Variants in TTBK1 observed in about 807,000 individuals in gnomAD.
TTBK1 encodes tau-tubulin kinase 1.
Under a neutral mutation model 108.5 loss-of-function variants are expected in TTBK1, and 34 were observed. That is an observed-to-expected ratio of 0.31 (90% confidence interval 0.24 to 0.42). The LOEUF (loss-of-function observed/expected upper bound fraction) is 0.42, where lower values mean the gene tolerates loss of function less well. Among genes scored for constraint, TTBK1 ranks in the 10% least tolerant of loss-of-function variants. The probability of loss-of-function intolerance (pLI) is 1.00; values close to 1 mark genes in which losing one functional copy is unlikely to be tolerated. For missense variants in TTBK1, 1,539 were observed against 1,826.0 expected, an observed-to-expected ratio of 0.84 and a Z score of 2.86; for synonymous variants, 809 against 795.1, an observed-to-expected ratio of 1.02 and a Z score of -0.29.
intron 6 of TTBK1, 39 bp from the exon 7 acceptor site, chr6:43,255,010 G>A (rs371810142): frequency 1.4e-5 from 23 of 1,600,726 alleles, no homozygotes; most frequent in African/African-American, 8.1e-5. Flanking sequence ...TGAGGTGAGG[G>A]CATGGTGGGT....
At position 43,253,853 on chromosome 6, in the gene TTBK1, C is replaced by T. The variant is rs1777315463; in HGVS notation, c.471+145C>T. 9.1e-7 allele frequency: 1 copy of T among 1,095,298 alleles called. No homozygotes were observed. Among genetic ancestry groups the T allele is most frequent in the Admixed American group, 2.9e-5 (1 of 34,778 alleles). 67.8% of individuals were successfully genotyped at this position (1,095,298 alleles called of 1,614,324 possible). ...CTTCTCCCCAAGCCCCTCCTGCTCTCCTTCCCAGGCCCCATCTCTTCCTCT... is the reference window on the plus strand; with the variant it reads ...CTTCTCCCCAAGCCCCTCCTGCTCTTCTTCCCAGGCCCCATCTCTTCCTCT... On this transcript the variant is annotated intron_variant, in intron 5 of 14. Coordinates refer to ENST00000259750, the MANE Select transcript of TTBK1 (RefSeq NM_032538.3). This position sits in a 1 kb window ranked among gnomAD's most constrained non-coding sequence, Gnocchi z 5.8.
Position 43,282,629 on chromosome 6 carries a change from TG to T in TTBK1, c.1987-95del. ...GGAGCTCACACTCTGGTAGACGACC[TG>T]GGCCTGTGAGTCTCCTAGGTTGTGG... On this transcript the variant is annotated intron_variant, in intron 13 of 14. Coordinates refer to ENST00000259750, the MANE Select transcript of TTBK1 (RefSeq NM_032538.3). This position sits in a 1 kb window ranked among gnomAD's most constrained non-coding sequence, Gnocchi z 5.4. 1 of 1,011,928 alleles carries T rather than the reference TG, an allele frequency of 9.9e-7. No individual in the cohort carries two copies. Among genetic ancestry groups the T allele is most frequent in the Non-Finnish European group, 1.5e-6 (1 of 673,074 alleles). The allele number at this position is 1,011,928 out of a possible 1,614,324, so 62.7% of individuals were successfully genotyped here.
At chr6:43,279,907 C>T (rs937070114) in intron 13 of TTBK1, among the ~76,000 whole-genome samples, 1 of 151,034 alleles carries the variant, frequency 6.6e-6, no homozygotes, top group Non-Finnish European at 1.5e-5. Flanking sequence ...ACAACCACGC[C>T]CAGCTAATTT....
Position 43,285,109 on chromosome 6 carries a change from G to T in TTBK1, c.3699G>T (p.Pro1233=). ...CCAGGCCCCCAGCGCCGCGCAGCCC[G>T]CGCCTCCCCGCGTCCACATCCGCCG... ...AGARPPAPRS[P]RLPASTSAAR... Residue 1233 remains proline (P), a synonymous_variant, in exon 15 of 15, where the codon CCG becomes CCT. Transcript: ENST00000259750. The surrounding 1 kb of genome is among the most constrained non-coding windows in gnomAD (Gnocchi z 4.7). 6.8e-7 allele frequency: 1 copy of T among 1,471,052 alleles called. No individual in the cohort carries two copies. The allele number at this position is 1,471,052 out of a possible 1,614,324, so 91.1% of individuals were successfully genotyped here.
chr6:43,272,199 G>GA (rs1777852161), intron 13 of TTBK1: 2 of 985,222 alleles, frequency 2.0e-6, no homozygotes, highest in Non-Finnish European at 2.4e-6. Context: ...TGTGGGCAAG[G>GA]GCCCCCCCAC....
At chr6:43,275,285 C>T (rs1016955056) in intron 13 of TTBK1, among the ~76,000 whole-genome samples, 1 of 151,966 alleles carries the variant, frequency 6.6e-6, no homozygotes, top group Admixed American at 6.6e-5. Flanking sequence ...CCTGCACCCC[C>T]CGCCGGACTT....
chr6:43,285,105 G>A lies in TTBK1; in HGVS notation c.3695G>A (p.Ser1232Asn). The stretch of plus-strand genomic sequence containing the variant: ...GGAGCCAGGCCCCCAGCGCCGCGCA[G>A]CCCGCGCCTCCCCGCGTCCACATCC... ...QAGARPPAPR[S>N]PRLPASTSAA... Residue 1232 changes from serine to asparagine, a missense_variant, in exon 15 of 15, where the codon AGC (serine) becomes AAC (asparagine). Physicochemically the swap from Ser to Asn is conservative, Grantham distance 46. Transcript: ENST00000259750. The surrounding 1 kb of genome is among the most constrained non-coding windows in gnomAD (Gnocchi z 4.7). 1 of 1,474,100 alleles carries A rather than the reference G, an allele frequency of 6.8e-7. No individual in the cohort carries two copies. Among genetic ancestry groups the A allele is most frequent in the South Asian group, 1.3e-5 (1 of 76,462 alleles). 91.3% of individuals were successfully genotyped at this position (1,474,100 alleles called of 1,614,324 possible).
At chr6:43,262,666 C>A in intron 12 of TTBK1, 123 bp from the exon 13 acceptor site, 1 of 924,684 alleles carries the variant, frequency 1.1e-6, no homozygotes, top group Non-Finnish European at 1.5e-6. Context: ...TGGCCTGGCT[C>A]AGGGTGGGAG....
intron 12 of TTBK1, 130 bp from the exon 13 acceptor site, chr6:43,262,659 C>G (rs1256585995): frequency 3.6e-6 from 3 of 831,050 alleles, no homozygotes; most frequent in Non-Finnish European, 5.3e-6. Flanking sequence ...AGGTAACTGG[C>G]CTGGCTCAGG....
rs1295652461 is a variant in TTBK1 at position 43,269,162 on chromosome 6, C to T, written c.1986+5812C>T. Among the ~76,000 whole-genome samples, 1 of 152,200 alleles carries T rather than the reference C, an allele frequency of 6.6e-6. No individual in the cohort carries two copies. Among genetic ancestry groups the T allele is most frequent in the Non-Finnish European group, 1.5e-5 (1 of 68,034 alleles). ...ATCCCAACACCTCCCTGTGATGGGG[C>T]GGGGGTGCCAAGGCGGAGGGTGTAC... On this transcript the variant is annotated intron_variant, in intron 13 of 14. Coordinates refer to ENST00000259750, the MANE Select transcript of TTBK1 (RefSeq NM_032538.3). The surrounding 1 kb of genome is among the most constrained non-coding windows in gnomAD (Gnocchi z 4.8).
In TTBK1 at chr6:43,283,811, C is replaced by G. The variant is rs149274826; in HGVS notation, c.3071C>G (p.Pro1024Arg). 5.0e-5 allele frequency: 81 copies of G among 1,613,114 alleles called. No individual in the cohort carries two copies. Among genetic ancestry groups the G allele is most frequent in the Non-Finnish European group, 6.8e-5 (80 of 1,179,704 alleles). ...AATGGCCCGGCCCTTGCAGACGGGC[C>G]AGCCCCGGTGTCCCCGCTGGAGCCA... Reference protein sequence around the residue: ...LPNGPALADGPAPVSPLEPSP... With the variant: ...LPNGPALADGRAPVSPLEPSP... Residue 1024 changes from proline to arginine, a missense_variant, in exon 14 of 15, where the codon CCA (proline) becomes CGA (arginine). This residue lies in a region of TTBK1 where 1,055 missense variants were observed against 1,086.5 expected (regional missense o/e 0.97). Transcript: ENST00000259750. The surrounding 1 kb of genome is among the most constrained non-coding windows in gnomAD (Gnocchi z 8.1).
intron 9 of TTBK1, among the ~76,000 whole-genome samples, chr6:43,256,117 GCTC>G (rs571406815): frequency 8.3e-4 from 126 of 151,252 alleles, no homozygotes; most frequent in Middle Eastern, 3.4e-3. Context: ...GATGATGAAT[GCTC>G]CTTATATTAT....
At chr6:43,246,436 T>G (rs1330443982) in intron 1 of TTBK1, among the ~76,000 whole-genome samples, 171 bp from the exon 2 acceptor site, 1 of 152,244 alleles carries the variant, frequency 6.6e-6, no homozygotes, top group South Asian at 2.1e-4. Context: ...GTTTGTAGTC[T>G]GTATCTCCCT....
intron 6 of TTBK1, 107 bp downstream of exon 6, chr6:43,254,758 G>A (rs1219645268): frequency 9.3e-7 from 1 of 1,074,286 alleles, no homozygotes; most frequent in Non-Finnish European, 1.3e-6. Flanking sequence ...GCCTGGCCTT[G>A]TGTTCAGTAT....
chr6:43,250,078 G>A (rs961130287), intron 2 of TTBK1, among the ~76,000 whole-genome samples: 1 of 151,292 alleles, frequency 6.6e-6, no homozygotes, highest in Admixed American at 6.6e-5. Context: ...GGGAAGAAGG[G>A]GTGTAAAGAA....
intron 13 of TTBK1, among the ~76,000 whole-genome samples, chr6:43,264,001 G>A (rs1777614080): frequency 6.6e-6 from 1 of 152,102 alleles, no homozygotes; most frequent in Admixed American, 6.5e-5. Context: ...GATAGGTCAA[G>A]CAGGCTGTGA....
At chr6:43,281,375 C>CAAAAAA (rs758326054) in intron 13 of TTBK1, among the ~76,000 whole-genome samples, 1 of 76,216 alleles carries the variant, frequency 1.3e-5, no homozygotes. Flanking sequence ...GGCTCCATAT[C>CAAAAAA]AAAAAAAAAA....
rs760985939 is a variant in TTBK1, at chr6:43,284,179, G to A, written c.3439G>A (p.Gly1147Arg). Residue 1147 changes from glycine (G) to arginine (R), a missense_variant, in exon 14 of 15, where the codon GGG becomes AGG. By Grantham distance (125) the Gly-to-Arg change is moderately radical. Around this residue, in one of 5 missense-constraint regions of TTBK1, gnomAD observed 1,055 missense variants for 1,086.5 expected, o/e 0.97. Coordinates refer to ENST00000259750, the MANE Select transcript of TTBK1 (RefSeq NM_032538.3). ...EPAAALPRKS[G>R]RAAATRSRIP... is the part of the protein sequence containing the mutation. ...GGCAGCGGCCTTGCCCAGGAAGAGC[G>A]GGAGGGCAGCCGCCACCAGGAGCCG... The A allele has an allele frequency of 1.1e-5, 18 of 1,566,008 alleles. No homozygotes were observed. The highest frequency in any genetic ancestry group is 2.7e-5 in the African/African-American group (2 of 74,154).
In TTBK1 at chr6:43,252,989, G is replaced by T. The variant is rs181924353; in HGVS notation, c.256+103G>T. On this transcript the variant is annotated intron_variant, in intron 3 of 14. Coordinates refer to ENST00000259750, the MANE Select transcript of TTBK1 (RefSeq NM_032538.3). ...TGGGGTGAGGGAGGAGATGTCGTGT[G>T]GTAGAGGGAAAAGGGGATGGAGCCA... is the stretch of plus-strand genomic sequence containing the variant. 4.2e-6 allele frequency: 6 copies of T among 1,418,674 alleles called. No homozygotes were observed. In the African/African-American group the frequency reaches 5.6e-5, roughly 13 times the overall value. The allele number at this position is 1,418,674 out of a possible 1,614,324, so 87.9% of individuals were successfully genotyped here.
Sources: gnomAD v4.1 joint callset for allele counts (sites outside exome capture counted in the v4.1 genomes callset) on GRCh38, gnomAD v4.1.1 for gene constraint, gnomAD v4.1.1 regional missense constraint, Gnocchi (gnomAD v3.1) non-coding constraint, MANE v1.5 for transcripts, NCBI Gene and HGNC (gene_info 2026-07-23, HGNC 2026-07-21) for gene names.